Variants in FDFT1 observed in about 807,000 individuals in gnomAD.
FDFT1 encodes squalene synthase.
In FDFT1, 68 loss-of-function variants were observed where a neutral mutation model predicts 46.8. That is an observed-to-expected ratio of 1.45 (90% confidence interval 1.19 to 1.78). FDFT1 has a LOEUF of 1.78. Ranked by LOEUF, FDFT1 falls within the 40% of genes most tolerant of loss-of-function variation. The pLI is 0.00. For synonymous variants in FDFT1, 351 were observed against 185.1 expected (o/e 1.90, Z -7.28); for missense variants, 928 against 524.4 (o/e 1.77, Z -7.52).
exon 1 of FDFT1, chr8:11,795,618 G>A (rs1805476484): frequency 6.6e-6 from 1 of 150,400 alleles, no homozygotes; most frequent in African/African-American, 2.5e-5. Context: ...CGCTTGGGAA[G>A]CTTTGTTGTT....
chr8:11,833,841 C>T (rs1163308563), intron 7 of FDFT1, among the ~76,000 whole-genome samples: 2 of 152,200 alleles, frequency 1.3e-5, no homozygotes, highest in Admixed American at 1.3e-4. Context: ...TCTGTTATCC[C>T]AGTAAAACTC....
At chr8:11,804,797 CG>C (rs1193493899) in intron 1 of FDFT1, among the ~76,000 whole-genome samples, 1 of 151,386 alleles carries the variant, frequency 6.6e-6, no homozygotes, top group African/African-American at 2.4e-5. Context: ...TTAGTAGAGA[CG>C]GGGTTTCACC....
rs923301469 is a variant in FDFT1 at position 11,838,415 on chromosome 8, C to T, written c.1060C>T (p.Pro354Ser). ...TTATCATAGAATCCCCGACTCAGACCCATCTTCTAGCAAAACAAGGCAGAT... is the reference window on the plus strand; with the variant it reads ...TTATCATAGAATCCCCGACTCAGACTCATCTTCTAGCAAAACAAGGCAGAT... ...EIYHRIPDSD[P>S]SSSKTRQIIS... The change falls in exon 8 of 8, where the codon CCA becomes TCA. Residue 354 changes from proline to serine, a missense_variant. Transcript: ENST00000220584. 5.6e-6 allele frequency: 9 copies of T among 1,613,388 alleles called. No homozygotes were observed. Among genetic ancestry groups the T allele is most frequent in the East Asian group, 2.2e-5 (1 of 44,882 alleles).
At chr8:11,830,032 G>C (rs1370416587) in intron 5 of FDFT1, among the ~76,000 whole-genome samples, 1 of 152,002 alleles carries the variant, frequency 6.6e-6, no homozygotes. Flanking sequence ...ATTTTTAGTA[G>C]ACACAGGGTT....
intron 3 of FDFT1, among the ~76,000 whole-genome samples, chr8:11,820,186 A>G (rs1335197781): frequency 1.3e-5 from 2 of 152,142 alleles, no homozygotes; most frequent in African/African-American, 4.8e-5. Flanking sequence ...CAGAACAGCA[A>G]ATATCGCGGC....
chr8:11,822,712 G>T (rs990583522), intron 4 of FDFT1, among the ~76,000 whole-genome samples: 2 of 152,246 alleles, frequency 1.3e-5, no homozygotes, highest in Middle Eastern at 3.4e-3. Flanking sequence ...TACTCTGGAG[G>T]CTGAGGTGTG....
chr8:11,809,417 A>G (rs1807389979), intron 2 of FDFT1: 5 of 1,226,088 alleles, frequency 4.1e-6, no homozygotes, highest in Non-Finnish European at 3.1e-6. Flanking sequence ...GTTAAATGCA[A>G]CTCACTTCTG....
upstream of FDFT1, among the ~76,000 whole-genome samples, chr8:11,800,031 G>T (rs187567219): frequency 7.9e-6 from 1 of 125,896 alleles, no homozygotes; most frequent in African/African-American, 2.7e-5. Flanking sequence ...GGAGGCCGAG[G>T]AGGGTGGATC....
chr8:11,826,297 C>T (rs1236033175), intron 5 of FDFT1, 82 bp downstream of exon 5: 5 of 1,127,862 alleles, frequency 4.4e-6, no homozygotes, highest in Non-Finnish European at 5.0e-6. Context: ...TTGCGGGTGA[C>T]AGAAAAACAA....
At chr8:11,801,929 T>C (rs1246472915), upstream of FDFT1, 28 of 454,518 alleles carry the variant, frequency 6.2e-5, no homozygotes, top group Admixed American at 6.6e-4. Flanking sequence ...GACCTCGTGA[T>C]CCACCCGCCT....
chr8:11,804,107 C>G (rs1000740688), intron 1 of FDFT1, among the ~76,000 whole-genome samples: 8 of 152,202 alleles, frequency 5.3e-5, no homozygotes, highest in African/African-American at 7.2e-5. Context: ...AGTGAACAAG[C>G]TAGGTGAAGA....
rs1000322236 is a variant in FDFT1 at position 11,831,661 on chromosome 8, T to C, written c.1023T>C (p.Tyr341=). 3 of 1,613,150 alleles carry C rather than the reference T, an allele frequency of 1.9e-6. No individual in the cohort carries two copies. Among genetic ancestry groups the C allele is most frequent in the African/African-American group, 2.7e-5 (2 of 74,906 alleles). Residue 341 remains tyrosine, a synonymous_variant, in exon 7 of 8, where the codon TAT becomes TAC. Coordinates refer to ENST00000220584, the MANE Select transcript of FDFT1 (RefSeq NM_004462.5). The stretch of plus-strand genomic sequence containing the variant: ...CTGTCAAAGCCATCATATATCAGTA[T>C]ATGGAAGAGGTGGGTTTTTATTTAA... ...MPAVKAIIYQ[Y]MEEIYHRIPD...
intron 7 of FDFT1, among the ~76,000 whole-genome samples, chr8:11,836,916 C>G (rs186664786): frequency 2.6e-4 from 40 of 152,306 alleles, no homozygotes; most frequent in African/African-American, 8.7e-4. Flanking sequence ...TTGCTGTGTG[C>G]CAGCACAGGG....
At chr8:11,814,328 G>A (rs1365415534) in intron 3 of FDFT1, among the ~76,000 whole-genome samples, 1 of 144,120 alleles carries the variant, frequency 6.9e-6, no homozygotes, top group African/African-American at 2.7e-5. Context: ...GGAGGGACAT[G>A]GGGGTATTGA....
upstream of FDFT1, chr8:11,802,389 G>A (rs768229190): frequency 6.1e-5 from 28 of 456,070 alleles, no homozygotes; most frequent in Non-Finnish European, 1.0e-4. Context: ...CCACCGTTGG[G>A]CTCCTGCGCA....
intron 3 of FDFT1, among the ~76,000 whole-genome samples, chr8:11,814,337 G>A (rs961240116): frequency 7.1e-6 from 1 of 141,024 alleles, no homozygotes; most frequent in African/African-American, 2.8e-5. Flanking sequence ...TGGGGGTATT[G>A]ACAGTTGATG....
upstream of FDFT1, chr8:11,802,356 C>A (rs957572312): frequency 1.8e-5 from 8 of 440,880 alleles, no homozygotes; most frequent in African/African-American, 1.0e-4. Flanking sequence ...GAAGCAGCCC[C>A]GCACTGCTCT....
At chr8:11,808,735 C>G (rs916899984) in intron 1 of FDFT1, 59 bp from the exon 2 acceptor site, 10 of 1,569,660 alleles carry the variant, frequency 6.4e-6, no homozygotes, top group Non-Finnish European at 6.9e-6. Context: ...CACTCCCACT[C>G]CCACTCCCAC....
rs1357196682 is a variant in FDFT1 at position 11,808,868 on chromosome 8, C to T, written c.174C>T (p.Ile58=). Reference sequence around the variant, plus strand: ...CCAGTCGCAGTTTCGCAGCTGTTATCCAGGCGCTGGATGGGGAAATGCGGT... The same window carrying T: ...CCAGTCGCAGTTTCGCAGCTGTTATTCAGGCGCTGGATGGGGAAATGCGGT... ...NQTSRSFAAV[I]QALDGEMRNA... Residue 58 remains isoleucine, a synonymous_variant, in exon 2 of 8, where the codon ATC becomes ATT. Transcript: ENST00000220584. 20 of 1,613,896 alleles carry T rather than the reference C, an allele frequency of 1.2e-5. No individual in the cohort carries two copies. Among genetic ancestry groups the T allele is most frequent in the Middle Eastern group, 1.6e-4 (1 of 6,084 alleles).
Sources: gnomAD v4.1 joint callset for allele counts (sites outside exome capture counted in the v4.1 genomes callset) on GRCh38, gnomAD v4.1.1 for gene constraint, MANE v1.5 for transcripts, NCBI Gene and HGNC (gene_info 2026-07-23, HGNC 2026-07-21) for gene names.